Variants in RNF130 observed in about 807,000 individuals in gnomAD.
RNF130 encodes the protein E3 ubiquitin-protein ligase RNF130.
RNF130 carries 21 observed loss-of-function variants against 44.6 expected under a neutral mutation model. The observed-to-expected ratio is 0.47, with a 90% CI of 0.33 to 0.68. The LOEUF is 0.68. RNF130 is among the 30% of genes least tolerant of loss of function. The probability of loss-of-function intolerance (pLI) is 0.02; values close to 1 mark genes in which losing one functional copy is unlikely to be tolerated. For missense variants in RNF130, 479 were observed against 560.6 expected (o/e 0.85, Z 1.47); for synonymous variants, 214 against 210.4 (o/e 1.02, Z -0.15).
chr5:180,015,921 T>C (rs993440645), intron 2 of RNF130, among the ~76,000 whole-genome samples: 10 of 152,220 alleles, frequency 6.6e-5, no homozygotes, highest in African/African-American at 2.4e-4. Flanking sequence ...ACAATATTTA[T>C]TGAGCACATA....
intron 2 of RNF130, among the ~76,000 whole-genome samples, chr5:180,031,980 T>G (rs1764139905): frequency 6.6e-6 from 1 of 152,240 alleles, no homozygotes; most frequent in African/African-American, 2.4e-5. Context: ...TTGGTTGCAC[T>G]GTTGTTTTGA....
intron 3 of RNF130, among the ~76,000 whole-genome samples, chr5:179,988,455 T>C (rs1763003371): frequency 6.6e-6 from 1 of 152,242 alleles, no homozygotes; most frequent in African/African-American, 2.4e-5. Context: ...GTTTGGTTTA[T>C]TCTTGCTTTT....
At chr5:180,035,843 G>C (rs377713576) in intron 2 of RNF130, among the ~76,000 whole-genome samples, 2 of 152,240 alleles carry the variant, frequency 1.3e-5, no homozygotes, top group African/African-American at 4.8e-5. Context: ...ATGTCTGTCT[G>C]GCTCGGCTCT....
chr5:179,913,295 A>G (rs2113664490), exon 8 of RNF130: 1 of 151,950 alleles, frequency 6.6e-6, no homozygotes, highest in Admixed American at 6.5e-5. Flanking sequence ...AGGTCTGAGC[A>G]GGCCAGCAGC....
At chr5:179,944,218 C>T (rs1762006804) in intron 7 of RNF130, among the ~76,000 whole-genome samples, 1 of 152,146 alleles carries the variant, frequency 6.6e-6, no homozygotes, top group Non-Finnish European at 1.5e-5. Flanking sequence ...ATCTGCCTGC[C>T]TTGGCCTCCC....
rs529708067 is a variant in RNF130 at position 180,013,559 on chromosome 5, A to G, written c.443-248T>C. 8.5e-5 allele frequency among the ~76,000 whole-genome samples: 13 copies of G among 152,372 alleles called. No homozygotes were observed. In the East Asian group the frequency reaches 1.3e-3, roughly 16 times the overall value. On this transcript the variant is annotated intron_variant, in intron 2 of 8. Transcript: ENST00000521389. ...TAGAACGACTGCAGTGTTAAGAACC[A>G]TATTAACTTGTCTGACAACTACATT...
intron 5 of RNF130, 105 bp from the exon 6 acceptor site, chr5:179,970,611 C>G: frequency 1.2e-6 from 1 of 820,148 alleles, no homozygotes; most frequent in Non-Finnish European, 1.9e-6. Context: ...TTCCCCCTTT[C>G]AGGACATATT....
At chr5:180,008,656 G>A (rs1763516315) in intron 3 of RNF130, among the ~76,000 whole-genome samples, 1 of 151,930 alleles carries the variant, frequency 6.6e-6, no homozygotes, top group Admixed American at 6.5e-5. Context: ...AGGCTGAGGT[G>A]CACAGATCGC....
chr5:180,048,921 T>G (rs1207187482), intron 1 of RNF130, among the ~76,000 whole-genome samples: 1 of 152,204 alleles, frequency 6.6e-6, no homozygotes, highest in East Asian at 1.9e-4. Flanking sequence ...TCACCCTAGG[T>G]CATTTATCCT....
At chr5:180,004,825 G>C (rs958493689) in intron 3 of RNF130, among the ~76,000 whole-genome samples, 1 of 152,138 alleles carries the variant, frequency 6.6e-6, no homozygotes, top group African/African-American at 2.4e-5. Context: ...ACAGAGTAGG[G>C]TTTTCTTTTT....
intron 3 of RNF130, among the ~76,000 whole-genome samples, chr5:179,983,554 C>A (rs187740887): frequency 6.4e-4 from 97 of 152,286 alleles, no homozygotes; most frequent in African/African-American, 2.3e-3. Flanking sequence ...TGTAATAGAT[C>A]TGAAATTAGG....
At position 180,048,515 on chromosome 5, in the gene RNF130, G is replaced by A. The variant is rs4130027; in HGVS notation, c.248-7868C>T. 5.5e-3 allele frequency among the ~76,000 whole-genome samples: 841 copies of A among 152,264 alleles called. 4 individuals are homozygous for A. The highest frequency in any genetic ancestry group is 8.9e-3 in the Non-Finnish European group (603 of 68,012). The stretch of plus-strand genomic sequence containing the variant: ...AGGCCAGGTGCGGTGGCTCATGCCT[G>A]TAATCCCAGCACTTTGGGAGGCTGA... On this transcript the variant is annotated intron_variant, in intron 1 of 8. Transcript: ENST00000521389.
intron 2 of RNF130, among the ~76,000 whole-genome samples, chr5:180,024,970 T>C (rs1763954857): frequency 6.6e-6 from 1 of 152,228 alleles, no homozygotes; most frequent in African/African-American, 2.4e-5. Context: ...CACCAGCACT[T>C]AGCAGGTCCA....
At chr5:179,976,467 G>T (rs923525902) in intron 5 of RNF130, among the ~76,000 whole-genome samples, 1 of 152,138 alleles carries the variant, frequency 6.6e-6, no homozygotes, top group African/African-American at 2.4e-5. Flanking sequence ...CCTGTGTCCC[G>T]CTGGCCCTTC....
At chr5:179,961,123 A>C (rs575798480) in intron 8 of RNF130, among the ~76,000 whole-genome samples, 1 of 151,874 alleles carries the variant, frequency 6.6e-6, no homozygotes, top group South Asian at 2.1e-4. Flanking sequence ...AAAAAAAAAA[A>C]CACAACACAT....
intron 8 of RNF130, among the ~76,000 whole-genome samples, chr5:179,956,959 A>G (rs922752131): frequency 1.9e-4 from 29 of 152,256 alleles, no homozygotes; most frequent in African/African-American, 6.8e-4. Flanking sequence ...TATAAAGGAT[A>G]TTCACAACTT....
chr5:179,913,180 G>A (rs1761491493), exon 8 of RNF130: 1 of 152,330 alleles, frequency 6.6e-6, no homozygotes, highest in South Asian at 2.1e-4. Context: ...CGGCAGCCTT[G>A]GCGTCTGGCT....
At chr5:180,018,158 G>A (rs907897442) in intron 2 of RNF130, among the ~76,000 whole-genome samples, 4 of 152,170 alleles carry the variant, frequency 2.6e-5, no homozygotes. Context: ...AGCTGGGTGT[G>A]GTGGCAGGCG....
At chr5:179,951,237 T>A (rs1169071420), downstream of RNF130, among the ~76,000 whole-genome samples, 1 of 152,076 alleles carries the variant, frequency 6.6e-6, no homozygotes, top group Non-Finnish European at 1.5e-5. Flanking sequence ...GGGAGAAACA[T>A]AATTCAACAA....
Sources: allele counts gnomAD v4.1 joint callset (sites outside exome capture counted in the v4.1 genomes callset), GRCh38; gene constraint gnomAD v4.1.1; transcripts MANE v1.5; gene names NCBI Gene and HGNC (gene_info 2026-07-23, HGNC 2026-07-21).